The following SLCO3A1 variants were observed in gnomAD, a reference collection of about 807,000 sequenced individuals.
The protein encoded by SLCO3A1 is solute carrier organic anion transporter family member 3A1.
A neutral mutation model predicts 63.1 loss-of-function variants in SLCO3A1; 27 were observed. The ratio of observed to expected loss-of-function variants is 0.43; its 90% confidence interval spans 0.32 to 0.59. The LOEUF (loss-of-function observed/expected upper bound fraction) is 0.59, where lower values mean the gene tolerates loss of function less well. Among genes scored for constraint, SLCO3A1 ranks in the 20% least tolerant of loss-of-function variants. The pLI is 0.09. For synonymous variants in SLCO3A1, 473 were observed against 409.9 expected, an observed-to-expected ratio of 1.15 and a Z score of -1.86; for missense variants, 773 against 945.8, an observed-to-expected ratio of 0.82 and a Z score of 2.40.
chr15:91,892,347 C>T lies in SLCO3A1; in HGVS notation c.181-23646C>T, dbSNP rs1209140365. ...ATTACTATTTGGAGAAAAGCGCTAACAAACAGAGCTGGCTGCAGATTCATA... is the reference window on the plus strand; with the variant it reads ...ATTACTATTTGGAGAAAAGCGCTAATAAACAGAGCTGGCTGCAGATTCATA... On this transcript the variant is annotated intron_variant, in intron 1 of 9. Coordinates refer to ENST00000318445, the MANE Select transcript of SLCO3A1 (RefSeq NM_013272.4). Among the ~76,000 whole-genome samples the T allele has an allele frequency of 2.0e-5, 3 of 152,236 alleles. No individual in the cohort carries two copies. In the South Asian group the frequency reaches 6.2e-4, roughly 32 times the overall value.
chr15:92,117,984 A>G (rs983972488), intron 4 of SLCO3A1, among the ~76,000 whole-genome samples: 1 of 152,250 alleles, frequency 6.6e-6, no homozygotes. Context: ...TAGGTGTTAT[A>G]AAGGTAAACA....
intron 1 of SLCO3A1, among the ~76,000 whole-genome samples, chr15:91,876,471 C>T (rs541445880): frequency 2.6e-5 from 4 of 152,306 alleles, no homozygotes; most frequent in South Asian, 2.1e-4. Context: ...ATCTCAATCC[C>T]GTGGTCAGCC....
intron 1 of SLCO3A1, among the ~76,000 whole-genome samples, chr15:91,866,422 C>T (rs1241378294): frequency 1.3e-5 from 2 of 152,092 alleles, no homozygotes; most frequent in African/African-American, 4.8e-5. Flanking sequence ...GACTTTATCA[C>T]TGTGCGCTGT....
intron 2 of SLCO3A1, among the ~76,000 whole-genome samples, chr15:91,999,866 C>G (rs1029524629): frequency 2.0e-5 from 3 of 152,166 alleles, no homozygotes; most frequent in Non-Finnish European, 2.9e-5. Context: ...TCTACAAATA[C>G]AAATATACTC....
In SLCO3A1 at chr15:91,970,191, G is replaced by A. The variant is rs146006986; in HGVS notation, c.646+53733G>A. On this transcript the variant is annotated intron_variant, in intron 2 of 9. Coordinates refer to ENST00000318445, the MANE Select transcript of SLCO3A1 (RefSeq NM_013272.4). ...CAAAACACTTCGTGAGCAAGCACAT[G>A]TAGCACATGTAGGAGAGAGGCCGAG... 4.9e-4 allele frequency among the ~76,000 whole-genome samples: 74 copies of A among 152,370 alleles called. 2 individuals are homozygous for A. The East Asian group carries it at 0.014, about 29-fold the overall frequency.
At chr15:92,150,925 T>A in intron 8 of SLCO3A1, 25 bp from the exon 9 acceptor site, 1 of 1,583,512 alleles carries the variant, frequency 6.3e-7, no homozygotes, top group Non-Finnish European at 8.6e-7. Context: ...TGGTTTTTTT[T>A]TTCTCTTCAT....
intron 4 of SLCO3A1, among the ~76,000 whole-genome samples, chr15:92,108,609 T>C (rs140580045): frequency 1.3e-5 from 2 of 152,194 alleles, no homozygotes; most frequent in Non-Finnish European, 2.9e-5. Flanking sequence ...TGTGCTCCAT[T>C]GTAAGTTGTC....
chr15:92,025,306 C>T lies in SLCO3A1; in HGVS notation c.647-69575C>T, dbSNP rs556577510. Among the ~76,000 whole-genome samples the T allele has an allele frequency of 2.0e-4, 30 of 152,114 alleles. No individual in the cohort carries two copies. In the South Asian group the frequency reaches 6.2e-3, roughly 32 times the overall value. On this transcript the variant is annotated intron_variant, in intron 2 of 9. Transcript: ENST00000318445. The stretch of plus-strand genomic sequence containing the variant: ...TAAGGATACAGGCTCAAAGGTAAGC[C>T]AAGCCAATCCCTCCTAAATTTTAAG...
chr15:92,148,982 TTATGAG>T (rs1342153588), intron 8 of SLCO3A1: 1 of 152,250 alleles, frequency 6.6e-6, no homozygotes, highest in Non-Finnish European at 1.5e-5. Flanking sequence ...GGTGGCTGCC[TTATGAG>T]TAGTTTATTT....
Position 91,865,716 on chromosome 15 carries a change from G to C in SLCO3A1, c.180+11628G>C, listed in dbSNP as rs147167313. On this transcript the variant is annotated intron_variant, in intron 1 of 9. Transcript: ENST00000318445. The surrounding 1 kb of genome is among the most constrained non-coding windows in gnomAD (Gnocchi z 4.6). The stretch of plus-strand genomic sequence containing the variant: ...TCTCTCTTCTTCTTCTAAGGACACC[G>C]GTCACATTGGATTAGGGCTCACCCT... Among the ~76,000 whole-genome samples the C allele has an allele frequency of 6.6e-6, 1 of 152,076 alleles. No individual in the cohort carries two copies. Among genetic ancestry groups the C allele is most frequent in the Non-Finnish European group, 1.5e-5 (1 of 68,020 alleles).
intron 2 of SLCO3A1, among the ~76,000 whole-genome samples, chr15:92,004,386 C>T (rs1262393467): frequency 1.3e-5 from 2 of 152,228 alleles, no homozygotes; most frequent in African/African-American, 4.8e-5. Context: ...GGCATCATAG[C>T]ACAGCATATG....
At chr15:91,955,401 C>T (rs1935088976) in intron 2 of SLCO3A1, among the ~76,000 whole-genome samples, 1 of 151,234 alleles carries the variant, frequency 6.6e-6, no homozygotes, top group Admixed American at 6.6e-5. Flanking sequence ...GGCGTGGTTT[C>T]AGCTCACTAC....
chr15:92,163,890 G>A lies in SLCO3A1; in HGVS notation c.*755G>A, dbSNP rs2048471086. 1 of 985,498 alleles carries A rather than the reference G, an allele frequency of 1.0e-6. No homozygotes were observed. Among genetic ancestry groups the A allele is most frequent in the South Asian group, 4.7e-5 (1 of 21,300 alleles). 61.0% of individuals were successfully genotyped at this position (985,498 alleles called of 1,614,324 possible). A position where few individuals can be genotyped will look rare whatever the true frequency, so the allele number is the denominator to read the frequency against. The stretch of plus-strand genomic sequence containing the variant: ...GGGGGGCCAGCACCTCCCAGTGGCG[G>A]GCATCCACCTTCCCCCAGCCCCACA... On this transcript the variant is annotated 3_prime_UTR_variant, in exon 10 of 10. Transcript: ENST00000318445.
At chr15:92,010,711 C>G (rs1042129490) in intron 2 of SLCO3A1, among the ~76,000 whole-genome samples, 2 of 151,998 alleles carry the variant, frequency 1.3e-5, no homozygotes, top group Admixed American at 1.3e-4. Context: ...TTTTATGAGC[C>G]CTGTTGATCT....
At chr15:91,985,052 A>G (rs1409420568) in intron 2 of SLCO3A1, among the ~76,000 whole-genome samples, 1 of 152,196 alleles carries the variant, frequency 6.6e-6, no homozygotes, top group Non-Finnish European at 1.5e-5. Context: ...ACACACTCAT[A>G]TGACCACCAC....
chr15:91,912,612 G>C lies in SLCO3A1; in HGVS notation c.181-3381G>C, dbSNP rs1216735664. 6.6e-6 allele frequency among the ~76,000 whole-genome samples: 1 copy of C among 152,232 alleles called. No individual in the cohort carries two copies. The highest frequency in any genetic ancestry group is 1.5e-5 in the Non-Finnish European group (1 of 68,044). On this transcript the variant is annotated intron_variant, in intron 1 of 9. Transcript: ENST00000318445. The surrounding 1 kb of genome is among the most constrained non-coding windows in gnomAD (Gnocchi z 5.0). Reference sequence around the variant, plus strand: ...GACACAGCACACCTGCTGAAATGGAGCAGTTGTCATGTTTCAGATTTGTTG... The same window carrying C: ...GACACAGCACACCTGCTGAAATGGACCAGTTGTCATGTTTCAGATTTGTTG...
At chr15:92,072,158 A>T (rs886109569) in intron 2 of SLCO3A1, among the ~76,000 whole-genome samples, 2 of 151,988 alleles carry the variant, frequency 1.3e-5, no homozygotes, top group African/African-American at 2.4e-5. Context: ...GGAAGAAATT[A>T]AAAATGCGAA....
intron 2 of SLCO3A1, among the ~76,000 whole-genome samples, chr15:91,919,459 C>T (rs531695084): frequency 1.3e-4 from 20 of 152,340 alleles, no homozygotes; most frequent in African/African-American, 4.1e-4. Context: ...ATGCGGCACC[C>T]GGACTCACAG....
At position 91,872,301 on chromosome 15, in the gene SLCO3A1, T is replaced by C. The variant is rs556998499; in HGVS notation, c.180+18213T>C. Among the ~76,000 whole-genome samples the C allele has an allele frequency of 1.3e-5, 2 of 152,194 alleles. No individual in the cohort carries two copies. Among genetic ancestry groups the C allele is most frequent in the African/African-American group, 4.8e-5 (2 of 41,526 alleles). On this transcript the variant is annotated intron_variant, in intron 1 of 9. Transcript: ENST00000318445. This position sits in a 1 kb window ranked among gnomAD's most constrained non-coding sequence, Gnocchi z 4.1. Reference sequence around the variant, plus strand: ...TAATCCCAGCACTTTGGGAAGCCAGTGCGGGCAGATCACGAGGTCAGGAGT... The same window carrying C: ...TAATCCCAGCACTTTGGGAAGCCAGCGCGGGCAGATCACGAGGTCAGGAGT...
Sources: allele counts gnomAD v4.1 joint callset (sites outside exome capture counted in the v4.1 genomes callset), GRCh38; gene constraint gnomAD v4.1.1; non-coding constraint Gnocchi (gnomAD v3.1); transcripts MANE v1.5; gene names NCBI Gene and HGNC (gene_info 2026-07-23, HGNC 2026-07-21).